PDE1C: variants seen among roughly 807,000 people sequenced by gnomAD.
PDE1C encodes the protein phosphodiesterase 1C.
In PDE1C, 62 loss-of-function variants were observed where a neutral mutation model predicts 93.1. That is an observed-to-expected ratio of 0.67 (90% confidence interval 0.54 to 0.82). The LOEUF (loss-of-function observed/expected upper bound fraction) is 0.82, where lower values mean the gene tolerates loss of function less well. PDE1C is among the 40% of genes least tolerant of loss of function. PDE1C has a pLI of 0.00. For missense variants in PDE1C, 742 were observed against 884.6 expected (o/e 0.84, Z 2.04); for synonymous variants, 325 against 310.1 (o/e 1.05, Z -0.50).
the PDE1C span, among the ~76,000 whole-genome samples, chr7:31,739,127 GTTC>G: frequency 9.9e-5 from 15 of 151,002 alleles, no homozygotes; most frequent in Non-Finnish European, 1.6e-4. Flanking sequence ...TACCTATTGA[GTTC>G]TTCTTGCAGA....
chr7:31,654,855 A>C, the PDE1C span, among the ~76,000 whole-genome samples: 3 of 152,158 alleles, frequency 2.0e-5, no homozygotes, highest in South Asian at 6.2e-4. Flanking sequence ...CCCACTACTC[A>C]AAACCATCTC....
intron 2 of PDE1C, among the ~76,000 whole-genome samples, chr7:31,915,159 C>G (rs954620066): frequency 2.6e-5 from 4 of 152,204 alleles, no homozygotes; most frequent in Admixed American, 6.5e-5. Context: ...GCAAGTAAGC[C>G]TTACTGCTGT....
the PDE1C span, among the ~76,000 whole-genome samples, chr7:31,722,786 G>A: frequency 6.6e-6 from 1 of 152,142 alleles, no homozygotes; most frequent in South Asian, 2.1e-4. Context: ...CAGGAAGCAG[G>A]GGGATGGTAT....
intron 3 of PDE1C, among the ~76,000 whole-genome samples, chr7:32,082,024 G>A (rs1490021222): frequency 2.0e-5 from 3 of 152,228 alleles, no homozygotes; most frequent in African/African-American, 7.2e-5. Context: ...GACAGTGGGT[G>A]CAGCGCACCA....
chr7:32,259,742 A>G (rs1427423100), intron 1 of PDE1C, among the ~76,000 whole-genome samples: 1 of 152,172 alleles, frequency 6.6e-6, no homozygotes. Context: ...TGATGTTGCT[A>G]AAGAAGCCAA....
chr7:32,166,348 A>G (rs1802272788), intron 3 of PDE1C, among the ~76,000 whole-genome samples: 1 of 152,172 alleles, frequency 6.6e-6, no homozygotes, highest in African/African-American at 2.4e-5. Context: ...CTTGGAGAGT[A>G]AAGACTAAAG....
the PDE1C span, among the ~76,000 whole-genome samples, chr7:31,701,446 T>C: frequency 9.2e-5 from 14 of 152,242 alleles, no homozygotes; most frequent in African/African-American, 3.1e-4. Flanking sequence ...AGAAAATGGT[T>C]TCTTGAGATG....
intron 1 of PDE1C, among the ~76,000 whole-genome samples, chr7:32,405,298 C>A (rs113930011): frequency 6.7e-6 from 1 of 148,936 alleles, no homozygotes; most frequent in African/African-American, 2.5e-5. Flanking sequence ...GTCACCCAAG[C>A]TGGAGTGCAA....
the PDE1C span, among the ~76,000 whole-genome samples, chr7:31,739,678 G>C: frequency 6.6e-6 from 1 of 151,612 alleles, no homozygotes; most frequent in African/African-American, 2.4e-5. Flanking sequence ...CACGAGTGGA[G>C]GTCCTCCTTA....
intron 16 of PDE1C, among the ~76,000 whole-genome samples, chr7:31,792,294 T>C (rs1237779321): frequency 6.6e-6 from 1 of 152,102 alleles, no homozygotes; most frequent in Non-Finnish European, 1.5e-5. Context: ...CATTTATCGT[T>C]TATAACACTT....
chr7:32,231,665 A>G (rs1169184350), intron 1 of PDE1C, among the ~76,000 whole-genome samples: 1 of 152,208 alleles, frequency 6.6e-6, no homozygotes, highest in African/African-American at 2.4e-5. Flanking sequence ...CCAACACTGA[A>G]AAGGACAACA....
At position 32,211,054 on chromosome 7, in the gene PDE1C, G is replaced by A. The variant is rs548199319; in HGVS notation, c.86-1515C>T. Among the ~76,000 whole-genome samples, 252 of 151,888 alleles carry A rather than the reference G, an allele frequency of 1.7e-3. 1 individual carries two copies. The highest frequency in any genetic ancestry group is 5.5e-3 in the African/African-American group (226 of 41,444). ...GAAACCCCATCTCTACTAAAAATAC[G>A]AAAAATTAGCCGGGCGTGGTGGTGG... On this transcript the variant is annotated intron_variant, in intron 1 of 18. Coordinates refer to the PDE1C transcript ENST00000396193.
chr7:32,173,120 CA>C, intron 2 of PDE1C, among the ~76,000 whole-genome samples: 1 of 152,278 alleles, frequency 6.6e-6, no homozygotes, highest in Non-Finnish European at 1.5e-5. Context: ...AAATGCCCAT[CA>C]CCGATAGACT....
intron 16 of PDE1C, among the ~76,000 whole-genome samples, chr7:31,798,832 G>A (rs766405829): frequency 6.6e-6 from 1 of 151,700 alleles, no homozygotes; most frequent in Non-Finnish European, 1.5e-5. Context: ...GTGATAACAC[G>A]AAGCCCTGTG....
chr7:32,014,650 C>T (rs1584459117), intron 2 of PDE1C, among the ~76,000 whole-genome samples: 2 of 152,002 alleles, frequency 1.3e-5, no homozygotes, highest in Admixed American at 1.3e-4. Context: ...GTGTTGTTCC[C>T]CTCCCTGTGT....
chr7:31,845,542 A>G (rs1327117693), intron 9 of PDE1C, among the ~76,000 whole-genome samples: 1 of 152,086 alleles, frequency 6.6e-6, no homozygotes, highest in East Asian at 1.9e-4. Flanking sequence ...GTCAGGGGCT[A>G]GGGAAGGCAT....
chr7:32,256,631 G>T (rs1809813996), intron 1 of PDE1C, among the ~76,000 whole-genome samples: 2 of 152,170 alleles, frequency 1.3e-5, no homozygotes, highest in South Asian at 4.1e-4. Flanking sequence ...CTGTTCACCA[G>T]GTTCCCCCAC....
chr7:31,685,271 G>A, the PDE1C span, among the ~76,000 whole-genome samples: 44 of 152,296 alleles, frequency 2.9e-4, no homozygotes, highest in Non-Finnish European at 4.4e-4. Flanking sequence ...AGGAAGGAAC[G>A]GAGGGGGGCA....
At chr7:32,370,447 C>CA (rs34494376) in intron 1 of PDE1C, among the ~76,000 whole-genome samples, 4,741 of 120,168 alleles carry the variant, frequency 0.039, 220 homozygotes, top group African/African-American at 0.11. Context: ...AGACTCCTCT[C>CA]AAAAAAAAAA....
Sources: allele counts gnomAD v4.1 joint callset (sites outside exome capture counted in the v4.1 genomes callset), GRCh38; gene constraint gnomAD v4.1.1; transcripts MANE v1.5; gene names NCBI Gene and HGNC (gene_info 2026-07-23, HGNC 2026-07-21).